Variants in RFX8 observed in about 807,000 individuals in gnomAD.
RFX8 encodes the protein regulatory factor X8, also known as DNA-binding protein RFX8.
RFX8 carries 46 observed loss-of-function variants against 54.6 expected under a neutral mutation model. The ratio of observed to expected loss-of-function variants is 0.84; its 90% CI spans 0.67 to 1.08. The LOEUF is 1.08. Ranked by LOEUF, RFX8 falls within the 50% of genes least tolerant of loss-of-function variation. The probability of loss-of-function intolerance (pLI) is 0.00; values close to 1 mark genes in which losing one functional copy is unlikely to be tolerated. For missense variants in RFX8, 536 were observed against 562.3 expected, an observed-to-expected ratio of 0.95 and a Z score of 0.47; for synonymous variants, 192 against 209.5, an observed-to-expected ratio of 0.92 and a Z score of 0.72.
At chr2:101,456,651 A>G (rs1688979674) in intron 2 of RFX8, among the ~76,000 whole-genome samples, 1 of 152,172 alleles carries the variant, frequency 6.6e-6, no homozygotes, top group African/African-American at 2.4e-5. Context: ...GATGTTCATC[A>G]GGGATATTGG....
intron 2 of RFX8, among the ~76,000 whole-genome samples, chr2:101,451,073 T>C (rs12472242): frequency 0.1 from 13,564 of 135,886 alleles, 778 homozygotes; most frequent in East Asian, 0.25. Flanking sequence ...TCCACTGAAG[T>C]TGTCAGAAAC....
intron 2 of RFX8, among the ~76,000 whole-genome samples, chr2:101,442,121 CCA>C (rs1292353544): frequency 3.9e-5 from 6 of 152,194 alleles, no homozygotes; most frequent in Non-Finnish European, 8.8e-5. Flanking sequence ...ACGTGACTTA[CCA>C]CAGTCTGTTG....
intron 2 of RFX8, among the ~76,000 whole-genome samples, chr2:101,431,857 C>T (rs191476427): frequency 1.3e-5 from 2 of 152,088 alleles, no homozygotes; most frequent in East Asian, 1.9e-4. Flanking sequence ...CCTGAAGGGA[C>T]GTGCCTGCCA....
chr2:101,428,454 T>TCCAGGTG (rs1194262160), intron 2 of RFX8, among the ~76,000 whole-genome samples: 1 of 152,208 alleles, frequency 6.6e-6, no homozygotes, highest in Non-Finnish European at 1.5e-5. Context: ...ACCTGGGACT[T>TCCAGGTG]CCAGCCTCTG....
intron 2 of RFX8, among the ~76,000 whole-genome samples, chr2:101,424,999 A>G (rs919542037): frequency 5.9e-5 from 9 of 151,604 alleles, no homozygotes; most frequent in Non-Finnish European, 8.8e-5. Context: ...CATGTACCCT[A>G]TAACTTAAAG....
chr2:101,450,490 AGTGTTGGGATTACAGGC>A, intron 2 of RFX8: 1 of 588,166 alleles, frequency 1.7e-6, no homozygotes, highest in Non-Finnish European at 3.0e-6. Context: ...AGCCTCCCAA[AGTGTTGGGATTACAGGC>A]GTGAGCCACC....
chr2:101,463,360 G>A (rs1689388657), intron 2 of RFX8, among the ~76,000 whole-genome samples: 1 of 152,196 alleles, frequency 6.6e-6, no homozygotes, highest in African/African-American at 2.4e-5. Flanking sequence ...TCAGGCCTGA[G>A]TCACTCAAAG....
chr2:101,441,461 A>G (rs113229104), intron 2 of RFX8, among the ~76,000 whole-genome samples: 3,900 of 152,296 alleles, frequency 0.026, 136 homozygotes, highest in Non-Finnish European at 0.03. Flanking sequence ...CCCCCTTGCC[A>G]TGTGATGTCT....
chr2:101,466,978 C>T (rs528166444), intron 1 of RFX8, 78 bp from the exon 2 acceptor site: 1 of 695,124 alleles, frequency 1.4e-6, no homozygotes, highest in African/African-American at 1.8e-5. Context: ...AATCAATGGT[C>T]AAGATGTGTA....
At chr2:101,410,501 C>A (rs1686061722) in intron 9 of RFX8, 118 bp downstream of exon 9, 2 of 635,362 alleles carry the variant, frequency 3.1e-6, no homozygotes, top group Admixed American at 5.8e-5. Context: ...CCCAGGCCAG[C>A]TTTGACACAT....
chr2:101,474,016 C>T (rs1690157069), intron 1 of RFX8, among the ~76,000 whole-genome samples: 1 of 152,190 alleles, frequency 6.6e-6, no homozygotes, highest in Admixed American at 6.5e-5. Context: ...GGGGCTTTTA[C>T]GCGTGTGCGT....
At chr2:101,466,444 C>A (rs565603527) in intron 2 of RFX8, among the ~76,000 whole-genome samples, 1 of 152,168 alleles carries the variant, frequency 6.6e-6, no homozygotes, top group Non-Finnish European at 1.5e-5. Flanking sequence ...GGTGCCAAAG[C>A]GGCTCTCAGA....
intron 2 of RFX8, chr2:101,429,086 G>T: frequency 2.0e-6 from 2 of 985,016 alleles, no homozygotes; most frequent in Non-Finnish European, 3.1e-6. Context: ...GAAGCACGAA[G>T]TTTCTTTTGC....
intron 11 of RFX8, among the ~76,000 whole-genome samples, chr2:101,401,633 C>T (rs1312846866): frequency 5.9e-5 from 9 of 152,074 alleles, no homozygotes; most frequent in Non-Finnish European, 1.3e-4. Flanking sequence ...TTTTAACCAG[C>T]CCACTCCCCA....
rs549344980 is a variant in RFX8, at chr2:101,422,410, T to A, written c.135A>T (p.Arg45Ser). Residue 45 changes from arginine (R) to serine (S), a missense_variant, in exon 3 of 12, where the codon AGA becomes AGT. Physicochemically the swap from Arg to Ser is moderately radical, Grantham distance 110. Coordinates refer to ENST00000428343, the MANE Select transcript of RFX8 (RefSeq NM_001145664.2). ...CCTGTTCTTGCTCCAGAAATGGACA[T>A]CTCCTGAATTCAGACAAAGGGGATC... ...PVGSPLSEFRRCPFLEQEQAK... is the reference protein window; with the variant it reads ...PVGSPLSEFRSCPFLEQEQAK... 3.2e-6 allele frequency: 5 copies of A among 1,549,960 alleles called. 1 individual carries two copies. The South Asian group carries it at 6.0e-5, about 18-fold the overall frequency.
At chr2:101,430,320 T>C (rs1467700218) in intron 2 of RFX8, among the ~76,000 whole-genome samples, 1 of 152,180 alleles carries the variant, frequency 6.6e-6, no homozygotes, top group Admixed American at 6.6e-5. Context: ...ATGGACTGAG[T>C]TGCCTTCTCC....
At chr2:101,410,938 CT>C (rs1278210341) in intron 8 of RFX8, among the ~76,000 whole-genome samples, 1 of 152,190 alleles carries the variant, frequency 6.6e-6, no homozygotes, top group Non-Finnish European at 1.5e-5. Context: ...TGTGAGCCAC[CT>C]CTGCCACTTG....
At position 101,466,802 on chromosome 2, in the gene RFX8, T is replaced by A; in HGVS notation, c.47A>T (p.Gln16Leu). 1.9e-6 allele frequency: 3 copies of A among 1,551,610 alleles called. No individual in the cohort carries two copies. The highest frequency in any genetic ancestry group is 2.6e-6 in the Non-Finnish European group (3 of 1,146,894). Residue 16 changes from glutamine to leucine, a missense_variant, in exon 2 of 12, where the codon CAA becomes CTA. By Grantham distance (113) the Gln-to-Leu change is moderately radical. Coordinates refer to ENST00000428343, the MANE Select transcript of RFX8 (RefSeq NM_001145664.2). Reference protein sequence around the residue: ...VETCGQNTENQVNPATFGKCE... With the variant: ...VETCGQNTENLVNPATFGKCE... ...CTTCCCAAAGGTGGCCGGGTTGACT[T>A]GGTTCTCAGTGTTTTGCCCACAGGT...
At chr2:101,451,216 A>C (rs1360868450) in intron 2 of RFX8, among the ~76,000 whole-genome samples, 2 of 152,118 alleles carry the variant, frequency 1.3e-5, no homozygotes, top group Non-Finnish European at 2.9e-5. Context: ...GGTTTGGCAA[A>C]CACTTCCACT....
Sources: gnomAD v4.1 joint callset for allele counts (sites outside exome capture counted in the v4.1 genomes callset) on GRCh38, gnomAD v4.1.1 for gene constraint, MANE v1.5 for transcripts, NCBI Gene and HGNC (gene_info 2026-07-23, HGNC 2026-07-21) for gene names.